Variants in MUCL3 observed in about 807,000 individuals in gnomAD.
MUCL3 encodes mucin-like protein 3.
MUCL3 carries 42 observed loss-of-function variants against 70.2 expected under a neutral mutation model. The ratio of observed to expected loss-of-function variants is 0.60; its 90% CI spans 0.47 to 0.77. The LOEUF is 0.77. Ranked by LOEUF, MUCL3 falls within the 30% of genes least tolerant of loss-of-function variation. The pLI, the probability that MUCL3 is intolerant of heterozygous loss-of-function variation, is 0.00. For synonymous variants in MUCL3, 522 were observed against 647.0 expected (o/e 0.81, Z 2.93); for missense variants, 1,429 against 1,670.0 (o/e 0.86, Z 2.52).
chr6:30,948,541 CCACAGGTGCTACTA>C lies in MUCL3; in HGVS notation c.83-3_93del. 6.6e-7 allele frequency: 1 copy of C among 1,518,640 alleles called. No individual in the cohort carries two copies. The highest frequency in any genetic ancestry group is 8.8e-7 in the Non-Finnish European group (1 of 1,133,658). The allele number at this position is 1,518,640 out of a possible 1,614,324, so 94.1% of individuals were successfully genotyped here. On this transcript the variant is annotated splice_acceptor_variant and splice_polypyrimidine_tract_variant and coding_sequence_variant and intron_variant, in exon 2 of 3. Transcript: ENST00000462446. LOFTEE classifies it high-confidence loss of function. ...AAGTTTCTTATTTGCCTCTCTCCCT[CCACAGGTGCTACTA>C]CATTCCAAGAATATCAGAAAACTGG...
In MUCL3 at chr6:30,951,606, A is replaced by C. The variant is rs1340866358; in HGVS notation, c.3142A>C (p.Thr1048Pro). 6.5e-7 allele frequency: 1 copy of C among 1,541,964 alleles called. No homozygotes were observed. The highest frequency in any genetic ancestry group is 8.8e-7 in the Non-Finnish European group (1 of 1,138,920). Reference protein sequence around the residue: ...PAKPTEHEEMTPSANENTTPS... With the variant: ...PAKPTEHEEMPPSANENTTPS... ...AAAGCCTACAGAACACGAAGAAATGACCCCATCGGCCAATGAGAACACCAC... is the reference window on the plus strand; with the variant it reads ...AAAGCCTACAGAACACGAAGAAATGCCCCCATCGGCCAATGAGAACACCAC... Residue 1048 changes from threonine to proline, a missense_variant, in exon 2 of 3, where the codon ACC (threonine) becomes CCC (proline). Thr to Pro is a conservative substitution (Grantham distance 38). Coordinates refer to ENST00000462446, the MANE Select transcript of MUCL3 (RefSeq NM_080870.4).
Position 30,951,661 on chromosome 6 carries a change from G to C in MUCL3, c.3197G>C (p.Gly1066Ala). Residue 1066 changes from glycine (G) to alanine (A), a missense_variant, in exon 2 of 3, where the codon GGA becomes GCA. Transcript: ENST00000462446. The part of the protein sequence containing the change: ...TPSPVKPTEH[G>A]EKTTLANEKI... ...TCCCCAGTAAAGCCTACAGAACATG[G>C]AGAAAAGACTACATTGGCCAATGAG... The C allele has an allele frequency of 6.4e-7, 1 of 1,551,928 alleles. No individual in the cohort carries two copies. Among genetic ancestry groups the C allele is most frequent in the Non-Finnish European group, 8.7e-7 (1 of 1,146,992 alleles).
Position 30,951,869 on chromosome 6 carries a change from C to A in MUCL3, c.3405C>A (p.Ala1135=). The A allele has an allele frequency of 6.2e-7, 1 of 1,609,690 alleles. No individual in the cohort carries two copies. Residue 1135 remains alanine (A), a synonymous_variant, in exon 2 of 3, where the codon GCC becomes GCA. Transcript: ENST00000462446. ...AACATAGAGATAGGGCTACATCAGC[C>A]AATGTGATCACACCAGCCCCAGCAG... ...STEHRDRATS[A]NVITPAPAEP...
chr6:30,951,571 C>A lies in MUCL3; in HGVS notation c.3107C>A (p.Pro1036Gln). 6.5e-7 allele frequency: 1 copy of A among 1,550,166 alleles called. No homozygotes were observed. The highest frequency in any genetic ancestry group is 8.7e-7 in the Non-Finnish European group (1 of 1,146,018). Residue 1036 changes from proline (P) to glutamine (Q), a missense_variant, in exon 2 of 3, where the codon CCA (proline) becomes CAA (glutamine). Transcript: ENST00000462446. ...CCATCAGCCAATGAGAAGACCATACCATCTCCAGCAAAGCCTACAGAACAC... is the reference window on the plus strand; with the variant it reads ...CCATCAGCCAATGAGAAGACCATACAATCTCCAGCAAAGCCTACAGAACAC... ...RTPSANEKTI[P>Q]SPAKPTEHEE... is the part of the protein sequence containing the mutation.
At chr6:30,942,394 C>T (rs1290583732) in intron 1 of MUCL3, among the ~76,000 whole-genome samples, 1 of 152,096 alleles carries the variant, frequency 6.6e-6, no homozygotes, top group African/African-American at 2.4e-5. Context: ...TGTAGAACAG[C>T]AGATTCAGAG....
chr6:30,951,875 G>C lies in MUCL3; in HGVS notation c.3411G>C (p.Val1137=). 1 of 1,611,794 alleles carries C rather than the reference G, an allele frequency of 6.2e-7. No homozygotes were observed. The highest frequency in any genetic ancestry group is 8.5e-7 in the Non-Finnish European group (1 of 1,179,060). The change falls in exon 2 of 3, where the codon GTG becomes GTC. Residue 1137 remains valine, a synonymous_variant. Transcript: ENST00000462446. ...EHRDRATSAN[V]ITPAPAEPIK... ...GAGATAGGGCTACATCAGCCAATGT[G>C]ATCACACCAGCCCCAGCAGAGCCTA...
At position 30,948,713 on chromosome 6, in the gene MUCL3, A is replaced by G; in HGVS notation, c.249A>G (p.Gln83=). The G allele has an allele frequency of 6.4e-7, 1 of 1,551,682 alleles. No homozygotes were observed. Among genetic ancestry groups the G allele is most frequent in the South Asian group, 1.2e-5 (1 of 84,056 alleles). ...CTAAATCTACAGAAATCCATGAGCAAAAACGCCACTGCAACACCACACGCC... is the reference window on the plus strand; with the variant it reads ...CTAAATCTACAGAAATCCATGAGCAGAAACGCCACTGCAACACCACACGCC... ...ELPKSTEIHE[Q]KRHCNTTRHS... The change falls in exon 2 of 3, where the codon CAA becomes CAG. Residue 83 remains glutamine, a synonymous_variant. Transcript: ENST00000462446.
chr6:30,942,535 T>C (rs1318030352), intron 1 of MUCL3, among the ~76,000 whole-genome samples: 2 of 152,072 alleles, frequency 1.3e-5, no homozygotes, highest in East Asian at 1.9e-4. Context: ...GGGTGGTGAA[T>C]GGCGATGACT....
At position 30,951,129 on chromosome 6, in the gene MUCL3, G is replaced by A. The variant is rs755148166; in HGVS notation, c.2665G>A (p.Ala889Thr). ...AGAACATGAAGAAATGACCCCATTG[G>A]CCAATGAGAAGACCACACTATCCCC... Reference protein sequence around the residue: ...PTEHEEMTPLANEKTTLSPAE... With the variant: ...PTEHEEMTPLTNEKTTLSPAE... The change falls in exon 2 of 3, where the codon GCC becomes ACC. Residue 889 changes from alanine (A) to threonine (T), a missense_variant. By Grantham distance (58) the Ala-to-Thr change is moderately conservative. Transcript: ENST00000462446. 4 of 1,551,110 alleles carry A rather than the reference G, an allele frequency of 2.6e-6. No individual in the cohort carries two copies. Among genetic ancestry groups the A allele is most frequent in the South Asian group, 2.4e-5 (2 of 84,000 alleles).
chr6:30,951,553 C>T lies in MUCL3; in HGVS notation c.3089C>T (p.Ala1030Val). The T allele has an allele frequency of 6.4e-7, 1 of 1,551,930 alleles. No homozygotes were observed. The highest frequency in any genetic ancestry group is 8.7e-7 in the Non-Finnish European group (1 of 1,147,088). The change falls in exon 2 of 3, where the codon GCC (alanine) becomes GTC (valine). Residue 1030 changes from alanine to valine, a missense_variant. Transcript: ENST00000462446. ...PTEHGERTPS[A>V]NEKTIPSPAK... is the part of the protein sequence containing the mutation. Reference sequence around the variant, plus strand: ...GAACATGGAGAAAGGACACCATCAGCCAATGAGAAGACCATACCATCTCCA... The same window carrying T: ...GAACATGGAGAAAGGACACCATCAGTCAATGAGAAGACCATACCATCTCCA...
In MUCL3 at chr6:30,949,886, A is replaced by G; in HGVS notation, c.1422A>G (p.Leu474=). 6.5e-7 allele frequency: 1 copy of G among 1,550,182 alleles called. No individual in the cohort carries two copies. Among genetic ancestry groups the G allele is most frequent in the Non-Finnish European group, 8.7e-7 (1 of 1,146,380 alleles). ...CGACAGCCAACGAGAAGACCACACT[A>G]TCCCCAGTAGAGCCTACAGAAAATA... is the stretch of plus-strand genomic sequence containing the variant. ...RETTANEKTT[L]SPVEPTENRE... The change falls in exon 2 of 3, where the codon CTA becomes CTG. Residue 474 remains leucine, a synonymous_variant. Coordinates refer to ENST00000462446, the MANE Select transcript of MUCL3 (RefSeq NM_080870.4).
Position 30,953,587 on chromosome 6 carries a change from C to T in MUCL3, c.*470C>T, listed in dbSNP as rs12190030. Reference sequence around the variant, plus strand: ...TATTACTTAAGAGTTTGTGTGTAAACAGGCTCATCTCTGAGTTCTCAGGAC... The same window carrying T: ...TATTACTTAAGAGTTTGTGTGTAAATAGGCTCATCTCTGAGTTCTCAGGAC... On this transcript the variant is annotated 3_prime_UTR_variant, in exon 3 of 3. Coordinates refer to ENST00000462446, the MANE Select transcript of MUCL3 (RefSeq NM_080870.4). 33,921 of 153,944 alleles carry T rather than the reference C, an allele frequency of 0.22. 4,552 individuals are homozygous for T. Among genetic ancestry groups the T allele is most frequent in the South Asian group, 0.49 (2,376 of 4,872 alleles). 9.5% of individuals were successfully genotyped at this position (153,944 alleles called of 1,614,324 possible). A position where few individuals can be genotyped will look rare whatever the true frequency, so the allele number is the denominator to read the frequency against.
intron 1 of MUCL3, among the ~76,000 whole-genome samples, chr6:30,943,980 CTTTTCT>C (rs1392395518): frequency 6.6e-6 from 1 of 151,848 alleles, no homozygotes; most frequent in Admixed American, 6.6e-5. Context: ...TGCCCACCAG[CTTTTCT>C]TTTTCTATGT....
chr6:30,953,461 CA>C lies in MUCL3; in HGVS notation c.*346del, dbSNP rs1334941029. ...AAAGGAAGGACAGGAGCCTTATAGG[CA>C]ATGCCCCAGACTGACTTGTGAGTGG... On this transcript the variant is annotated 3_prime_UTR_variant, in exon 3 of 3. Coordinates refer to ENST00000462446, the MANE Select transcript of MUCL3 (RefSeq NM_080870.4). 48 of 316,838 alleles carry C rather than the reference CA, an allele frequency of 1.5e-4. 1 individual carries two copies. In the East Asian group the frequency reaches 2.4e-3, roughly 16 times the overall value. 19.6% of individuals were successfully genotyped at this position (316,838 alleles called of 1,614,324 possible).
chr6:30,953,189 A>G lies in MUCL3; in HGVS notation c.*72A>G. On this transcript the variant is annotated 3_prime_UTR_variant, in exon 3 of 3. Transcript: ENST00000462446. ...TCCTGGATGAGGAACCGGACTCACA[A>G]TTTCTATTTCCGGGACTACAGGAAG... The G allele has an allele frequency of 3.8e-6, 6 of 1,568,288 alleles. No homozygotes were observed. Among genetic ancestry groups the G allele is most frequent in the Non-Finnish European group, 5.2e-6 (6 of 1,161,640 alleles).
Position 30,952,076 on chromosome 6 carries a change from C to A in MUCL3, c.3612C>A (p.Val1204=), listed in dbSNP as rs138126978. The change falls in exon 2 of 3, where the codon GTC becomes GTA. Residue 1204 remains valine (V), a synonymous_variant. Coordinates refer to ENST00000462446, the MANE Select transcript of MUCL3 (RefSeq NM_080870.4). ...TICTKGKNTP[V]PEKPTENLGN... is the part of the protein sequence containing the mutation. ...GCACCAAAGGGAAAAACACACCAGT[C>A]CCAGAAAAGCCTACAGAAAACCTGG... 5 of 1,607,882 alleles carry A rather than the reference C, an allele frequency of 3.1e-6. No individual in the cohort carries two copies. The South Asian group carries it at 5.5e-5, about 18-fold the overall frequency.
At position 30,952,351 on chromosome 6, in the gene MUCL3, G is replaced by A; in HGVS notation, c.3887G>A (p.Ser1296Asn). The A allele has an allele frequency of 1.9e-6, 3 of 1,614,164 alleles. No individual in the cohort carries two copies. The highest frequency in any genetic ancestry group is 2.5e-6 in the Non-Finnish European group (3 of 1,180,032). ...SITSEATGNESHPYLNKDGSQ... is the reference protein window; with the variant it reads ...SITSEATGNENHPYLNKDGSQ... ...ACATCAGAAGCCACAGGAAACGAGA[G>A]CCATCCATACCTCAATAAAGATGGC... The change falls in exon 2 of 3, where the codon AGC (serine) becomes AAC (asparagine). Residue 1296 changes from serine (S) to asparagine (N), a missense_variant. Physicochemically the swap from Ser to Asn is conservative, Grantham distance 46 (BLOSUM62 1). Coordinates refer to ENST00000462446, the MANE Select transcript of MUCL3 (RefSeq NM_080870.4).
intron 1 of MUCL3, among the ~76,000 whole-genome samples, chr6:30,943,061 C>T (rs1267534922): frequency 6.6e-6 from 1 of 152,094 alleles, no homozygotes; most frequent in Non-Finnish European, 1.5e-5. Context: ...AGAGCTGGTG[C>T]ATGGCTGTGC....
chr6:30,949,415 A>G lies in MUCL3; in HGVS notation c.951A>G (p.Thr317=), dbSNP rs1040890931. Residue 317 remains threonine (T), a synonymous_variant, in exon 2 of 3, where the codon ACA becomes ACG. Transcript: ENST00000462446. ...NRERTANENT[T]LSPAEPIENR... The stretch of plus-strand genomic sequence containing the variant: ...AAAGGACAGCCAATGAGAACACCAC[A>G]CTATCCCCAGCAGAGCCTATAGAAA... 6.7e-7 allele frequency: 1 copy of G among 1,496,786 alleles called. No individual in the cohort carries two copies. The highest frequency in any genetic ancestry group is 9.0e-7 in the Non-Finnish European group (1 of 1,110,686). 92.7% of individuals were successfully genotyped at this position (1,496,786 alleles called of 1,614,324 possible). A position where few individuals can be genotyped will look rare whatever the true frequency, so the allele number is the denominator to read the frequency against.
Sources: allele counts gnomAD v4.1 joint callset (sites outside exome capture counted in the v4.1 genomes callset), GRCh38; gene constraint gnomAD v4.1.1; transcripts MANE v1.5; gene names NCBI Gene and HGNC (gene_info 2026-07-23, HGNC 2026-07-21).